ATAD2B: variants seen among roughly 807,000 people sequenced by gnomAD.
ATAD2B encodes ATPase family AAA domain-containing protein 2B.
Under a neutral mutation model 167.6 loss-of-function variants are expected in ATAD2B, and 40 were observed. The ratio of observed to expected loss-of-function variants is 0.24; its 90% confidence interval spans 0.19 to 0.31. ATAD2B has a LOEUF of 0.31. Ranked by LOEUF, ATAD2B falls within the 10% of genes least tolerant of loss-of-function variation. The pLI, the probability that ATAD2B is intolerant of heterozygous loss-of-function variation, is 1.00. For synonymous variants in ATAD2B, 579 were observed against 596.5 expected (o/e 0.97, Z 0.43); for missense variants, 1,242 against 1,757.2 (o/e 0.71, Z 5.24).
rs188890287 is a variant in ATAD2B at position 23,859,791 on chromosome 2, C to T, written c.1480-2288G>A. Among the ~76,000 whole-genome samples, 119 of 151,380 alleles carry T rather than the reference C, an allele frequency of 7.9e-4. 1 individual carries two copies. The highest frequency in any genetic ancestry group is 2.9e-3 in the African/African-American group (118 of 41,240). On this transcript the variant is annotated intron_variant, in intron 12 of 27. Coordinates refer to ENST00000238789, the MANE Select transcript of ATAD2B (RefSeq NM_017552.4). Reference sequence around the variant, plus strand: ...GGTGAAACGCCGTCTCTACTAAAAACACAAAAATTAGCCACGCGTGGCGGG... The same window carrying T: ...GGTGAAACGCCGTCTCTACTAAAAATACAAAAATTAGCCACGCGTGGCGGG...
At chr2:23,796,003 G>A (rs1289859175) in intron 19 of ATAD2B, among the ~76,000 whole-genome samples, 2 of 152,160 alleles carry the variant, frequency 1.3e-5, no homozygotes, top group African/African-American at 4.8e-5. Flanking sequence ...GGAGGCTGAG[G>A]CAGGAGGATC....
chr2:23,812,707 C>CA (rs1399032113), intron 17 of ATAD2B, among the ~76,000 whole-genome samples: 1 of 151,882 alleles, frequency 6.6e-6, no homozygotes, highest in Admixed American at 6.6e-5. Flanking sequence ...ACTAAAAATA[C>CA]AAAAAATTAG....
chr2:23,918,290 G>C (rs1236114859), intron 1 of ATAD2B, among the ~76,000 whole-genome samples: 1 of 151,130 alleles, frequency 6.6e-6, no homozygotes, highest in Non-Finnish European at 1.5e-5. Flanking sequence ...AGAATCCACT[G>C]AACTCAGGAG....
At chr2:23,697,843 T>C in the ATAD2B span, 1 of 152,214 alleles carries the variant, frequency 6.6e-6, no homozygotes, top group Non-Finnish European at 1.5e-5. Context: ...ACCCCAAGCA[T>C]TCTGGAAGCA....
the ATAD2B span, among the ~76,000 whole-genome samples, chr2:23,716,419 A>G: frequency 6.7e-6 from 1 of 149,756 alleles, no homozygotes; most frequent in Non-Finnish European, 1.5e-5. Flanking sequence ...ATTAGCCTGC[A>G]CCTAAGGTGG....
At chr2:23,741,620 T>C in the ATAD2B span, among the ~76,000 whole-genome samples, 3 of 152,112 alleles carry the variant, frequency 2.0e-5, no homozygotes, top group African/African-American at 7.2e-5. Context: ...ACCTAGGCAA[T>C]ACCATTCAGG....
At chr2:23,731,469 A>G in the ATAD2B span, among the ~76,000 whole-genome samples, 1 of 152,200 alleles carries the variant, frequency 6.6e-6, no homozygotes, top group Non-Finnish European at 1.5e-5. Flanking sequence ...CGTGCCTCCT[A>G]ATGAGAACAC....
the ATAD2B span, chr2:23,706,809 C>T: frequency 1.7e-6 from 1 of 581,896 alleles, no homozygotes; most frequent in Non-Finnish European, 2.8e-6. Flanking sequence ...ATATTCTCTA[C>T]ATTGAATGTA....
intron 13 of ATAD2B, among the ~76,000 whole-genome samples, chr2:23,841,443 T>C (rs1222728200): frequency 1.3e-5 from 2 of 152,186 alleles, no homozygotes; most frequent in African/African-American, 4.8e-5. Flanking sequence ...ATAAGTGGCC[T>C]TTTGTGTCTG....
chr2:23,777,362 A>G (rs1679312367), intron 22 of ATAD2B, among the ~76,000 whole-genome samples: 1 of 151,398 alleles, frequency 6.6e-6, no homozygotes, highest in Admixed American at 6.6e-5. Context: ...ATCTATATCT[A>G]TATCTATATC....
intron 22 of ATAD2B, among the ~76,000 whole-genome samples, chr2:23,768,713 A>G (rs1677830833): frequency 6.6e-6 from 1 of 152,178 alleles, no homozygotes; most frequent in African/African-American, 2.4e-5. Flanking sequence ...AGATCAGTTT[A>G]TATTTTCTAG....
intron 22 of ATAD2B, among the ~76,000 whole-genome samples, chr2:23,774,507 CATATTTAT>C (rs1489407624): frequency 6.6e-6 from 1 of 152,158 alleles, no homozygotes; most frequent in Non-Finnish European, 1.5e-5. Context: ...TGGTTCAGGT[CATATTTAT>C]ATATTATTAG....
downstream of ATAD2B, among the ~76,000 whole-genome samples, chr2:23,745,506 C>G (rs1018349499): frequency 6.6e-6 from 1 of 151,824 alleles, no homozygotes. Flanking sequence ...AAGGAATTTA[C>G]CATTCACCTT....
intron 13 of ATAD2B, among the ~76,000 whole-genome samples, chr2:23,844,316 AAAAC>A (rs1691392057): frequency 1.3e-5 from 2 of 152,170 alleles, no homozygotes; most frequent in South Asian, 4.1e-4. Flanking sequence ...AGGAAAAAAA[AAAAC>A]ACACAACAAA....
At chr2:23,821,176 C>G (rs1413231305) in intron 16 of ATAD2B, among the ~76,000 whole-genome samples, 1 of 151,992 alleles carries the variant, frequency 6.6e-6, no homozygotes, top group African/African-American at 2.4e-5. Context: ...CTAGTTCTAC[C>G]AACTGGAACT....
chr2:23,909,707 C>G (rs929927557), intron 1 of ATAD2B, among the ~76,000 whole-genome samples: 2 of 151,548 alleles, frequency 1.3e-5, no homozygotes, highest in Non-Finnish European at 2.9e-5. Context: ...TTTCTGTGTA[C>G]GTACATATTA....
chr2:23,801,637 TACA>T (rs1454788123), intron 18 of ATAD2B, among the ~76,000 whole-genome samples: 1 of 152,124 alleles, frequency 6.6e-6, no homozygotes. Flanking sequence ...GATTCTTTAT[TACA>T]ACATTATACT....
chr2:23,769,848 T>C (rs1048630421), intron 22 of ATAD2B, among the ~76,000 whole-genome samples: 1 of 151,152 alleles, frequency 6.6e-6, no homozygotes, highest in Non-Finnish European at 1.5e-5. Context: ...CCCACCCAGC[T>C]GATTTTTGTA....
chr2:23,786,471 T>C (rs1680829571), intron 20 of ATAD2B, among the ~76,000 whole-genome samples: 1 of 152,076 alleles, frequency 6.6e-6, no homozygotes, highest in South Asian at 2.1e-4. Context: ...GTAAAGCTTA[T>C]TGCTCCTAGG....
Sources: allele counts gnomAD v4.1 joint callset (sites outside exome capture counted in the v4.1 genomes callset), GRCh38; gene constraint gnomAD v4.1.1; transcripts MANE v1.5; gene names NCBI Gene and HGNC (gene_info 2026-07-23, HGNC 2026-07-21).